Variants in DENND4A observed in about 807,000 individuals in gnomAD.
The protein encoded by DENND4A is C-myc promoter-binding protein.
Under a neutral mutation model 199.3 loss-of-function variants are expected in DENND4A, and 70 were observed. The observed-to-expected ratio is 0.35, with a 90% CI of 0.29 to 0.43. The LOEUF is 0.43. Among genes scored for constraint, DENND4A ranks in the 20% least tolerant of loss-of-function variants. The probability of loss-of-function intolerance (pLI) is 1.00; values close to 1 mark genes in which losing one functional copy is unlikely to be tolerated. For synonymous variants in DENND4A, 686 were observed against 766.9 expected (o/e 0.89, Z 1.74); for missense variants, 1,723 against 2,255.8 (o/e 0.76, Z 4.78).
chr15:65,718,284 C>A (rs1273275071), intron 12 of DENND4A, among the ~76,000 whole-genome samples: 1 of 152,060 alleles, frequency 6.6e-6, no homozygotes, highest in Non-Finnish European at 1.5e-5. Context: ...TAGACCAAGG[C>A]AGGAGGATCA....
At chr15:65,747,911 G>A (rs188816802) in intron 4 of DENND4A, among the ~76,000 whole-genome samples, 18 of 151,152 alleles carry the variant, frequency 1.2e-4, no homozygotes, top group South Asian at 8.4e-4. Context: ...GTGGTGGCGC[G>A]CGCCTGTAAT....
intron 4 of DENND4A, among the ~76,000 whole-genome samples, chr15:65,745,853 G>A (rs926259619): frequency 6.6e-6 from 1 of 152,038 alleles, no homozygotes; most frequent in African/African-American, 2.4e-5. Flanking sequence ...TAAGAGCGGG[G>A]CCAGGCATGG....
intron 31 of DENND4A, 74 bp downstream of exon 31, chr15:65,664,486 T>G: frequency 6.5e-7 from 1 of 1,537,798 alleles, no homozygotes; most frequent in Non-Finnish European, 8.9e-7. Flanking sequence ...GCATGAGATA[T>G]TCTAACAAAT....
intron 15 of DENND4A, among the ~76,000 whole-genome samples, chr15:65,704,143 T>A (rs1358775966): frequency 6.6e-6 from 1 of 152,200 alleles, no homozygotes; most frequent in Non-Finnish European, 1.5e-5. Flanking sequence ...ATTGTATGTA[T>A]ATGATGAGAT....
intron 4 of DENND4A, among the ~76,000 whole-genome samples, chr15:65,747,055 G>A (rs1397595144): frequency 3.3e-5 from 5 of 150,972 alleles, no homozygotes; most frequent in Non-Finnish European, 7.4e-5. Context: ...GCAGGGAGCC[G>A]AGATCGCACC....
rs2075802174 is a variant in DENND4A at position 65,659,856 on chromosome 15, T to C, written c.*1995A>G. The C allele has an allele frequency of 6.4e-6, 1 of 155,164 alleles. No individual in the cohort carries two copies. Among genetic ancestry groups the C allele is most frequent in the Non-Finnish European group, 1.4e-5 (1 of 69,938 alleles). 9.6% of individuals were successfully genotyped at this position (155,164 alleles called of 1,614,324 possible). A position where few individuals can be genotyped will look rare whatever the true frequency, so the allele number is the denominator to read the frequency against. ...CAAATGAGTCTGAATCGTAAAACCA[T>C]AAAGAATGGTTTTACTCATTCTTTG... On this transcript the variant is annotated 3_prime_UTR_variant, in exon 33 of 33. Transcript: ENST00000443035.
intron 1 of DENND4A, among the ~76,000 whole-genome samples, chr15:65,780,440 G>C (rs1342220432): frequency 2.0e-5 from 3 of 152,090 alleles, no homozygotes; most frequent in African/African-American, 7.2e-5. Flanking sequence ...CTAATTAAGT[G>C]GTACAATTAA....
At position 65,667,517 on chromosome 15, in the gene DENND4A, G is replaced by A. The variant is rs2076081455; in HGVS notation, c.5173C>T (p.Arg1725Cys). Residue 1725 changes from arginine (R) to cysteine (C), a missense_variant, in exon 29 of 33, where the codon CGT becomes TGT. Around this residue, in one of 6 missense-constraint regions of DENND4A, gnomAD observed 164 missense variants for 280.1 expected, o/e 0.59. Transcript: ENST00000443035. Reference protein sequence around the residue: ...VFWNLVWYFRRLDLPSNLPGL... With the variant: ...VFWNLVWYFRCLDLPSNLPGL... Reference sequence around the variant, plus strand: ...GGTAAGTTACTGGGCAAGTCAAGACGTCTGAAATACCATACCAGGTTCCAA... The same window carrying A: ...GGTAAGTTACTGGGCAAGTCAAGACATCTGAAATACCATACCAGGTTCCAA... 1 of 1,613,780 alleles carries A rather than the reference G, an allele frequency of 6.2e-7. No homozygotes were observed. The highest frequency in any genetic ancestry group is 8.5e-7 in the Non-Finnish European group (1 of 1,179,826).
chr15:65,735,750 G>A (rs1042044290), intron 7 of DENND4A, among the ~76,000 whole-genome samples: 6 of 152,194 alleles, frequency 3.9e-5, no homozygotes, highest in Admixed American at 6.5e-5. Context: ...ACTGAGTTGT[G>A]AGTGAACTTG....
intron 11 of DENND4A, among the ~76,000 whole-genome samples, chr15:65,724,214 C>G: frequency 6.6e-6 from 1 of 152,030 alleles, no homozygotes; most frequent in East Asian, 1.9e-4. Context: ...AGGCGCGCAC[C>G]CCTACAGCCT....
rs2076692475 is a variant in DENND4A, at chr15:65,756,052, T to C, written c.311+88A>G. On this transcript the variant is annotated intron_variant, in intron 3 of 32. Coordinates refer to ENST00000443035, the MANE Select transcript of DENND4A (RefSeq NM_001320835.1). The stretch of plus-strand genomic sequence containing the variant: ...TTTTTCTAAATCTGCCATACATCTA[T>C]TAATGACCAGAATGAACAGTTAATC... The C allele has an allele frequency of 4.3e-6, 5 of 1,166,746 alleles. No homozygotes were observed. The South Asian group carries it at 8.1e-5, about 19-fold the overall frequency. The allele number at this position is 1,166,746 out of a possible 1,614,324, so 72.3% of individuals were successfully genotyped here. A position where few individuals can be genotyped will look rare whatever the true frequency, so the allele number is the denominator to read the frequency against.
At chr15:65,676,730 A>G in intron 23 of DENND4A, 96 bp from the exon 24 acceptor site, 2 of 926,634 alleles carry the variant, frequency 2.2e-6, no homozygotes, top group Non-Finnish European at 3.1e-6. Context: ...TCACCTAACT[A>G]CCCAGATGAT....
chr15:65,696,584 T>A (rs1158412076), intron 21 of DENND4A, 87 bp from the exon 22 acceptor site: 1 of 977,400 alleles, frequency 1.0e-6, no homozygotes, highest in Non-Finnish European at 1.5e-6. Flanking sequence ...TTCTACATAT[T>A]TTTACTTGAA....
At chr15:65,728,694 G>A (rs1392038966) in intron 11 of DENND4A, among the ~76,000 whole-genome samples, 1 of 151,718 alleles carries the variant, frequency 6.6e-6, no homozygotes, top group Non-Finnish European at 1.5e-5. Context: ...TCTCCTTGTT[G>A]GTCAGGCTGG....
At chr15:65,740,440 T>C (rs1297130789) in intron 5 of DENND4A, among the ~76,000 whole-genome samples, 1 of 137,878 alleles carries the variant, frequency 7.3e-6, no homozygotes. Context: ...CAAGACTCCA[T>C]CTCTACTAAA....
At chr15:65,675,612 CAGA>C (rs1290181812) in intron 24 of DENND4A, among the ~76,000 whole-genome samples, 6 of 150,512 alleles carry the variant, frequency 4.0e-5, no homozygotes, top group Non-Finnish European at 7.4e-5. Flanking sequence ...GGACAGTCCA[CAGA>C]AGAAGAAATG....
chr15:65,786,060 C>G (rs191921231), intron 1 of DENND4A, among the ~76,000 whole-genome samples: 33 of 152,174 alleles, frequency 2.2e-4, no homozygotes, highest in Middle Eastern at 3.4e-3. Flanking sequence ...ATATTTATAT[C>G]CTAGGACCCA....
At position 65,717,828 on chromosome 15, in the gene DENND4A, T is replaced by C; in HGVS notation, c.1757A>G (p.Gln586Arg). 1 of 1,606,662 alleles carries C rather than the reference T, an allele frequency of 6.2e-7. No homozygotes were observed. Among genetic ancestry groups the C allele is most frequent in the Non-Finnish European group, 8.5e-7 (1 of 1,176,230 alleles). Residue 586 changes from glutamine (Q) to arginine (R), a missense_variant, in exon 13 of 33, where the codon CAA becomes CGA. Physicochemically the swap from Gln to Arg is conservative, Grantham distance 43 (BLOSUM62 1). Transcript: ENST00000443035. ...GYRSYLRPIT[Q>R]APSETATDAA... The stretch of plus-strand genomic sequence containing the variant: ...ATCTGTGGCTGTCTCAGATGGGGCT[T>C]GTGTTATTGGCCTTAAGTATGATCT...
At chr15:65,786,508 T>C (rs1260095563) in intron 1 of DENND4A, among the ~76,000 whole-genome samples, 2 of 152,046 alleles carry the variant, frequency 1.3e-5, no homozygotes, top group African/African-American at 2.4e-5. Flanking sequence ...GGCGGTAGGA[T>C]TGCTTGAGCC....
Sources: allele counts gnomAD v4.1 joint callset (sites outside exome capture counted in the v4.1 genomes callset), GRCh38; gene constraint gnomAD v4.1.1; regional missense constraint gnomAD v4.1.1; transcripts MANE v1.5; gene names NCBI Gene and HGNC (gene_info 2026-07-23, HGNC 2026-07-21).